Variants in MTFR1 observed in about 807,000 individuals in gnomAD.
The protein encoded by MTFR1 is chondrocyte protein with a poly-proline region.
MTFR1 carries 28 observed loss-of-function variants against 38.8 expected under a neutral mutation model. The ratio of observed to expected loss-of-function variants is 0.72; its 90% CI spans 0.53 to 0.99. MTFR1 has a LOEUF of 0.99. Ranked by LOEUF, MTFR1 falls within the 50% of genes least tolerant of loss-of-function variation. The pLI is 0.00. For missense variants in MTFR1, 358 were observed against 395.5 expected, an observed-to-expected ratio of 0.91 and a Z score of 0.81; for synonymous variants, 145 against 137.0, an observed-to-expected ratio of 1.06 and a Z score of -0.41.
chr8:65,735,516 G>A (rs532917566), intron 3 of MTFR1, among the ~76,000 whole-genome samples: 1 of 152,192 alleles, frequency 6.6e-6, no homozygotes, highest in East Asian at 1.9e-4. Flanking sequence ...TTGCCATGTT[G>A]CCCAGGCTGG....
chr8:65,769,166 TG>T (rs1808948629), intron 3 of MTFR1, among the ~76,000 whole-genome samples: 1 of 149,560 alleles, frequency 6.7e-6, no homozygotes, highest in East Asian at 2.0e-4. Flanking sequence ...GAGAATTGCT[TG>T]AACCAGGGAG....
chr8:65,737,866 A>T (rs1807217598), intron 3 of MTFR1, among the ~76,000 whole-genome samples: 1 of 152,218 alleles, frequency 6.6e-6, no homozygotes, highest in Non-Finnish European at 1.5e-5. Context: ...AACTTATTTT[A>T]TAGTTCCACA....
chr8:65,751,990 A>G (rs1807992019), intron 3 of MTFR1, among the ~76,000 whole-genome samples: 1 of 152,242 alleles, frequency 6.6e-6, no homozygotes, highest in African/African-American at 2.4e-5. Context: ...ATGAATCATA[A>G]TCTATTTAGC....
chr8:65,715,929 G>A (rs1247825084), intron 2 of MTFR1, among the ~76,000 whole-genome samples: 10 of 144,222 alleles, frequency 6.9e-5, no homozygotes, highest in Non-Finnish European at 1.3e-4. Context: ...CCCGGGAGGC[G>A]GAACTTGCAG....
chr8:65,684,018 T>C (rs1320928719), intron 3 of MTFR1, among the ~76,000 whole-genome samples: 1 of 152,254 alleles, frequency 6.6e-6, no homozygotes, highest in Non-Finnish European at 1.5e-5. Flanking sequence ...TCTGGTTAAC[T>C]ATCTTACCTC....
chr8:65,750,490 G>GTA (rs1807886945), intron 3 of MTFR1, among the ~76,000 whole-genome samples: 1 of 139,440 alleles, frequency 7.2e-6, no homozygotes, highest in Non-Finnish European at 1.5e-5. Flanking sequence ...GTGTGTGTGT[G>GTA]TGTGTGTGTG....
intron 3 of MTFR1, among the ~76,000 whole-genome samples, chr8:65,769,386 C>A (rs1172724365): frequency 6.6e-6 from 1 of 151,834 alleles, no homozygotes; most frequent in African/African-American, 2.4e-5. Context: ...AAATCAGAAT[C>A]ATTGCAACAA....
chr8:65,674,706 G>A (rs1804662265), intron 2 of MTFR1, among the ~76,000 whole-genome samples: 1 of 152,092 alleles, frequency 6.6e-6, no homozygotes, highest in Admixed American at 6.6e-5. Flanking sequence ...GTGGTGATTG[G>A]CTCATTGTCT....
At position 65,739,523 on chromosome 8, in the gene MTFR1, T is replaced by A. The variant is rs746627507; in HGVS notation, c.*48+20042T>A. Reference sequence around the variant, plus strand: ...TTACCTAAAAATCTACGAAGTTTCATCATATCTAAATGGAAGTACTCAATT... The same window carrying A: ...TTACCTAAAAATCTACGAAGTTTCAACATATCTAAATGGAAGTACTCAATT... On this transcript the variant is annotated intron_variant, in intron 3 of 3. Transcript: ENST00000521247. 7.7e-6 allele frequency: 12 copies of A among 1,568,456 alleles called. No homozygotes were observed. The African/African-American group carries it at 1.4e-4, about 18-fold the overall frequency.
At chr8:65,736,888 C>CTT (rs35543290) in intron 3 of MTFR1, among the ~76,000 whole-genome samples, 1 of 133,742 alleles carries the variant, frequency 7.5e-6, no homozygotes, top group African/African-American at 2.7e-5. Flanking sequence ...GGTATTGAGG[C>CTT]TTTTTTTTTT....
intron 2 of MTFR1, among the ~76,000 whole-genome samples, chr8:65,672,307 A>G (rs1330679815): frequency 6.6e-6 from 1 of 152,228 alleles, no homozygotes; most frequent in African/African-American, 2.4e-5. Context: ...AGTATTTTTT[A>G]GCTTGTTGCC....
At chr8:65,674,723 C>G (rs550924461) in intron 2 of MTFR1, among the ~76,000 whole-genome samples, 1 of 152,296 alleles carries the variant, frequency 6.6e-6, no homozygotes, top group South Asian at 2.1e-4. Flanking sequence ...GTCTTTGACT[C>G]TGCACACTAA....
intron 3 of MTFR1, among the ~76,000 whole-genome samples, chr8:65,732,937 T>TG (rs1806960757): frequency 6.6e-6 from 1 of 152,176 alleles, no homozygotes; most frequent in South Asian, 2.1e-4. Flanking sequence ...CTCAAACTCC[T>TG]GGGCTCAAGC....
At position 65,647,802 on chromosome 8, in the gene MTFR1, G is replaced by C. The variant is rs867576106; in HGVS notation, c.-81+3018G>C. ...GATAGAAATTACACAATTTAGATAA[G>C]CAACAAAAAAAAAAATGACACTATA... On this transcript the variant is annotated intron_variant, in intron 1 of 7. Coordinates refer to ENST00000262146, the MANE Select transcript of MTFR1 (RefSeq NM_014637.4). Among the ~76,000 whole-genome samples, 9 of 35,630 alleles carry C rather than the reference G, an allele frequency of 2.5e-4. No individual in the cohort carries two copies. The African/African-American group carries it at 2.8e-3, about 11-fold the overall frequency. The allele number at this position is 35,630 out of a possible 152,430, so 23.4% of individuals were successfully genotyped here. A position where few individuals can be genotyped will look rare whatever the true frequency, so the allele number is the denominator to read the frequency against.
At chr8:65,740,107 A>G (rs915983725) in intron 3 of MTFR1, among the ~76,000 whole-genome samples, 1 of 151,348 alleles carries the variant, frequency 6.6e-6, no homozygotes, top group African/African-American at 2.4e-5. Flanking sequence ...CATCAGGATT[A>G]AAAACTCTGA....
intron 3 of MTFR1, chr8:65,727,928 C>T (rs117545791): frequency 3.9e-5 from 6 of 152,178 alleles, no homozygotes; most frequent in African/African-American, 1.4e-4. Context: ...TGTAACTTTA[C>T]TCTCAATAAT....
intron 4 of MTFR1, 37 bp from the exon 5 acceptor site, chr8:65,704,657 A>T (rs1805723248): frequency 6.3e-7 from 1 of 1,575,618 alleles, no homozygotes; most frequent in Admixed American, 1.7e-5. Context: ...GTTCTCTTAC[A>T]AAGCCTGTGA....
chr8:65,716,141 CCT>C (rs1308286141), intron 2 of MTFR1, among the ~76,000 whole-genome samples: 3 of 145,478 alleles, frequency 2.1e-5, no homozygotes, highest in South Asian at 4.3e-4. Flanking sequence ...GCAGCGAGAC[CCT>C]GTCTCAAAAA....
At chr8:65,650,109 G>C (rs900267655) in intron 1 of MTFR1, among the ~76,000 whole-genome samples, 1 of 152,014 alleles carries the variant, frequency 6.6e-6, no homozygotes, top group African/African-American at 2.4e-5. Context: ...AAACTGCTGG[G>C]ATTACAGCTG....
Sources: allele counts gnomAD v4.1 joint callset (sites outside exome capture counted in the v4.1 genomes callset), GRCh38; gene constraint gnomAD v4.1.1; transcripts MANE v1.5; gene names NCBI Gene and HGNC (gene_info 2026-07-23, HGNC 2026-07-21).